Variants in MCPH1 observed in about 807,000 individuals in gnomAD.
The protein encoded by MCPH1 is microcephalin 1, also known as microcephalin.
Under a neutral mutation model 84.5 loss-of-function variants are expected in MCPH1, and 104 were observed. The observed-to-expected ratio is 1.23, with a 90% CI of 1.05 to 1.45. The LOEUF is 1.45. MCPH1 is among the 40% of genes most tolerant of loss of function. MCPH1 has a pLI of 0.00. For synonymous variants in MCPH1, 514 were observed against 366.8 expected, an observed-to-expected ratio of 1.40 and a Z score of -4.58; for missense variants, 1,498 against 1,005.7, an observed-to-expected ratio of 1.49 and a Z score of -6.62.
chr8:6,623,012 T>A (rs1262290094), intron 13 of MCPH1, among the ~76,000 whole-genome samples: 39 of 100,456 alleles, frequency 3.9e-4, no homozygotes, highest in Admixed American at 1.0e-3. Flanking sequence ...AGCTTTACTT[T>A]CTTTTTTTTT....
At chr8:6,473,320 C>CTTTTTT (rs56077837) in intron 9 of MCPH1, among the ~76,000 whole-genome samples, 3 of 76,438 alleles carry the variant, frequency 3.9e-5, no homozygotes, top group East Asian at 5.4e-4. Context: ...TCTCTCAATC[C>CTTTTTT]TTTTTTTTTT....
At chr8:6,512,976 G>A (rs887744269) in intron 12 of MCPH1, among the ~76,000 whole-genome samples, 1 of 152,190 alleles carries the variant, frequency 6.6e-6, no homozygotes, top group Non-Finnish European at 1.5e-5. Context: ...CATAAAGACA[G>A]ACTAACTTTT....
chr8:6,628,606 G>A (rs896285116), intron 13 of MCPH1, among the ~76,000 whole-genome samples: 1 of 152,084 alleles, frequency 6.6e-6, no homozygotes, highest in Non-Finnish European at 1.5e-5. Flanking sequence ...GAAATGTGGT[G>A]GTTGGTTTGA....
chr8:6,627,146 C>G (rs1796795231), intron 13 of MCPH1: 1 of 984,708 alleles, frequency 1.0e-6, no homozygotes, highest in African/African-American at 1.8e-5. Flanking sequence ...TAATGACTGA[C>G]TGACCAGAAA....
chr8:6,477,223 G>C (rs1808586577), intron 9 of MCPH1: 3 of 226,166 alleles, frequency 1.3e-5, no homozygotes, highest in Non-Finnish European at 2.6e-5. Context: ...TAGAAGTCTT[G>C]AGAAAAGTGG....
chr8:6,514,833 G>C (rs543030138), intron 12 of MCPH1: 2 of 1,472,406 alleles, frequency 1.4e-6, no homozygotes, highest in South Asian at 2.3e-5. Flanking sequence ...CCCCCCTTAC[G>C]TAGCAGAAGC....
chr8:6,631,850 A>C (rs945206183), intron 13 of MCPH1, among the ~76,000 whole-genome samples: 1 of 152,220 alleles, frequency 6.6e-6, no homozygotes, highest in Non-Finnish European at 1.5e-5. Context: ...ATGCCAAAAA[A>C]ATTGAAAGCA....
intron 12 of MCPH1, chr8:6,532,579 A>C: frequency 5.7e-6 from 5 of 877,090 alleles, no homozygotes; most frequent in Non-Finnish European, 7.9e-6. Flanking sequence ...ATCTTTAAAA[A>C]AAAAAAAAAA....
chr8:6,436,899 G>A (rs1020517015), intron 5 of MCPH1, among the ~76,000 whole-genome samples: 6 of 152,044 alleles, frequency 3.9e-5, no homozygotes, highest in African/African-American at 1.4e-4. Context: ...GAACCTGGGA[G>A]GCAGAGCTTG....
At chr8:6,624,644 C>A (rs993456603) in intron 13 of MCPH1, among the ~76,000 whole-genome samples, 1 of 152,160 alleles carries the variant, frequency 6.6e-6, no homozygotes, top group Non-Finnish European at 1.5e-5. Context: ...TTTTCTCACC[C>A]TCTGCTAAAC....
chr8:6,529,671 C>T (rs930583393), intron 12 of MCPH1, among the ~76,000 whole-genome samples: 2 of 139,524 alleles, frequency 1.4e-5, no homozygotes, highest in South Asian at 4.5e-4. Flanking sequence ...CACCATGTTG[C>T]TCAAGCTGGT....
At chr8:6,624,563 T>C (rs1238295035) in intron 13 of MCPH1, among the ~76,000 whole-genome samples, 1 of 152,238 alleles carries the variant, frequency 6.6e-6, no homozygotes, top group Admixed American at 6.5e-5. Context: ...GTGAAGTGAA[T>C]TCCAATCTAG....
At chr8:6,488,010 C>G (rs1056224403) in intron 11 of MCPH1, among the ~76,000 whole-genome samples, 2 of 152,194 alleles carry the variant, frequency 1.3e-5, no homozygotes, top group Non-Finnish European at 2.9e-5. Context: ...TCCAGGACAC[C>G]TAATTTATAC....
intron 13 of MCPH1, among the ~76,000 whole-genome samples, chr8:6,628,662 T>A (rs529327853): frequency 2.5e-4 from 38 of 152,302 alleles, no homozygotes; most frequent in African/African-American, 8.4e-4. Flanking sequence ...ATTTTGGTTG[T>A]GGCAGGAAAC....
At chr8:6,492,194 T>C (rs1426576186) in intron 11 of MCPH1, among the ~76,000 whole-genome samples, 2 of 152,232 alleles carry the variant, frequency 1.3e-5, no homozygotes, top group Non-Finnish European at 2.9e-5. Flanking sequence ...TGGTATCTCA[T>C]TGTGGTTTTA....
chr8:6,545,945 T>C (rs577977248), intron 12 of MCPH1, among the ~76,000 whole-genome samples: 16 of 152,348 alleles, frequency 1.1e-4, no homozygotes, highest in African/African-American at 3.4e-4. Flanking sequence ...TTTGTTCATA[T>C]TGAATTGAGT....
chr8:6,479,721 G>A (rs190924153), intron 10 of MCPH1, among the ~76,000 whole-genome samples: 21 of 152,272 alleles, frequency 1.4e-4, no homozygotes, highest in Admixed American at 1.3e-3. Context: ...GAAAACTAAT[G>A]TCAGAACTAA....
chr8:6,477,668 G>A, intron 10 of MCPH1, 37 bp downstream of exon 10: 5 of 1,581,752 alleles, frequency 3.2e-6, no homozygotes, highest in South Asian at 1.1e-5. Context: ...AATGTAAAAT[G>A]TTAACCTTTT....
At chr8:6,508,897 C>G (rs986625651) in intron 12 of MCPH1, 1 of 1,613,588 alleles carries the variant, frequency 6.2e-7, no homozygotes, top group African/African-American at 1.3e-5. Context: ...TCATTCCTTG[C>G]CAATACAAAT....
Sources: gnomAD v4.1 joint callset for allele counts (sites outside exome capture counted in the v4.1 genomes callset) on GRCh38, gnomAD v4.1.1 for gene constraint, MANE v1.5 for transcripts, NCBI Gene and HGNC (gene_info 2026-07-23, HGNC 2026-07-21) for gene names.